SRRM2: variants seen among roughly 807,000 people sequenced by gnomAD.
SRRM2 encodes serine/arginine repetitive matrix protein 2.
In SRRM2, 30 loss-of-function variants were observed where a neutral mutation model predicts 213.8. The observed-to-expected ratio is 0.14, with a 90% confidence interval of 0.10 to 0.19. The LOEUF (loss-of-function observed/expected upper bound fraction) is 0.19. Ranked by LOEUF, SRRM2 falls within the 10% of genes least tolerant of loss-of-function variation. The probability of loss-of-function intolerance (pLI) is 1.00; values close to 1 mark genes in which losing one functional copy is unlikely to be tolerated. For synonymous variants in SRRM2, 2,025 were observed against 1,377.7 expected (o/e 1.47, Z -10.40); for missense variants, 4,904 against 3,647.0 (o/e 1.34, Z -8.88).
chr16:2,769,533 CAT>C, intron 12 of SRRM2: 1 of 645,670 alleles, frequency 1.5e-6, no homozygotes, highest in Non-Finnish European at 2.8e-6. Flanking sequence ...TCCCTCAACA[CAT>C]AGCCTGTTCC....
Position 2,770,681 on chromosome 16 carries a change from CACCTAG to C in SRRM2, c.8214_8219del (p.Ser2740_Pro2741del). 6.4e-7 allele frequency: 1 copy of C among 1,556,292 alleles called. No individual in the cohort carries two copies. The highest frequency in any genetic ancestry group is 8.7e-7 in the Non-Finnish European group (1 of 1,149,132). On this transcript the variant is annotated inframe_deletion, in exon 14 of 15. Transcript: ENST00000301740. ...CCCAGCCACAAGCGCAGGAGGGAGA[CACCTAG>C]CCCTCGGCCCATGAGACACCGCTCC...
Position 2,766,935 on chromosome 16 carries a change from T to C in SRRM2, c.6407T>C (p.Leu2136Pro). The C allele has an allele frequency of 6.2e-7, 1 of 1,614,104 alleles. No homozygotes were observed. The highest frequency in any genetic ancestry group is 8.5e-7 in the Non-Finnish European group (1 of 1,180,020). The change falls in exon 11 of 15, where the codon CTT becomes CCT. Residue 2136 changes from leucine to proline, a missense_variant. Coordinates refer to ENST00000301740, the MANE Select transcript of SRRM2 (RefSeq NM_016333.4). This position sits in a 1 kb window ranked among gnomAD's most constrained non-coding sequence, Gnocchi z 7.0. ...PLDRCRSPGM[L>P]EPLGSSRTPM... ...GATCGCTGCAGATCACCTGGAATGC[T>C]TGAACCCCTTGGCAGCTCTAGAACA...
chr16:2,757,442 A>C (rs776379600), intron 2 of SRRM2, 30 bp from the exon 3 acceptor site: 1 of 1,603,778 alleles, frequency 6.2e-7, no homozygotes, highest in African/African-American at 1.3e-5. Context: ...TGTCCTGTCG[A>C]GCTTAACCCT....
In SRRM2 at chr16:2,764,043, C is replaced by G. The variant is rs746540600; in HGVS notation, c.3515C>G (p.Pro1172Arg). The G allele has an allele frequency of 4.3e-6, 7 of 1,614,040 alleles. No individual in the cohort carries two copies. The highest frequency in any genetic ancestry group is 5.1e-6 in the Non-Finnish European group (6 of 1,180,030). ...TCAAAAGAGAAAATGGCCTTACCCC[C>G]TCAGGAGGATGCTACTGCATCACCT... The part of the protein sequence containing the change: ...AESKEKMALP[P>R]QEDATASPPR... The change falls in exon 11 of 15, where the codon CCT (proline) becomes CGT (arginine). Residue 1172 changes from proline (P) to arginine (R), a missense_variant. Transcript: ENST00000301740.
At position 2,762,749 on chromosome 16, in the gene SRRM2, A is replaced by G. The variant is rs756286690; in HGVS notation, c.2221A>G (p.Ser741Gly). ...KNKSRTSQRR[S>G]RSNSSPEMKK... ...CAAATCCAGAACATCTCAAAGAAGA[A>G]GCAGGTCCAATTCAAGCCCAGAAAT... Residue 741 changes from serine to glycine, a missense_variant, in exon 11 of 15, where the codon AGC (serine) becomes GGC (glycine). Coordinates refer to ENST00000301740, the MANE Select transcript of SRRM2 (RefSeq NM_016333.4). 6.2e-7 allele frequency: 1 copy of G among 1,614,198 alleles called. No homozygotes were observed. Among genetic ancestry groups the G allele is most frequent in the Non-Finnish European group, 8.5e-7 (1 of 1,180,036 alleles).
rs2068575773 is a variant in SRRM2, at chr16:2,767,252, C to T, written c.6724C>T (p.Leu2242=). 10 of 1,614,024 alleles carry T rather than the reference C, an allele frequency of 6.2e-6. No homozygotes were observed. The highest frequency in any genetic ancestry group is 2.2e-5 in the East Asian group (1 of 44,900). The part of the protein sequence containing the change: ...IPAASAAAMN[L]ASARTPAIPT... ...TGCAGCCTCTGCGGCAGCCATGAAC[C>T]TAGCCAGCGCCAGGACACCTGCCAT... The change falls in exon 11 of 15, where the codon CTA becomes TTA. Residue 2242 remains leucine (L), a synonymous_variant. Transcript: ENST00000301740.
intron 1 of SRRM2, among the ~76,000 whole-genome samples, 185 bp downstream of exon 1, chr16:2,753,031 G>C (rs1013707137): frequency 5.6e-5 from 6 of 106,732 alleles, no homozygotes; most frequent in Admixed American, 4.7e-4. Flanking sequence ...TCGCGCGCGG[G>C]CTTCACCCCC....
At position 2,769,027 on chromosome 16, in the gene SRRM2, G is replaced by A; in HGVS notation, c.7764G>A (p.Glu2588=). ...RVPSPTPAPK[E]AVREGRPPEP... ...CCAGCCCCACCCCAGCCCCAAAGGA[G>A]GCTGTTCGAGAGGGACGTCCTCCGG... The change falls in exon 12 of 15, where the codon GAG becomes GAA. Residue 2588 remains glutamate (E), a synonymous_variant. Coordinates refer to ENST00000301740, the MANE Select transcript of SRRM2 (RefSeq NM_016333.4). The A allele has an allele frequency of 1.2e-6, 2 of 1,614,088 alleles. No individual in the cohort carries two copies. Among genetic ancestry groups the A allele is most frequent in the Non-Finnish European group, 1.7e-6 (2 of 1,180,016 alleles).
At chr16:2,755,274 G>GA (rs2068100962) in intron 1 of SRRM2, among the ~76,000 whole-genome samples, 1 of 152,200 alleles carries the variant, frequency 6.6e-6, no homozygotes, top group Admixed American at 6.5e-5. Flanking sequence ...TAGAACCTGG[G>GA]AGGAGGCATG....
At position 2,763,212 on chromosome 16, in the gene SRRM2, C is replaced by T. The variant is rs980375315; in HGVS notation, c.2684C>T (p.Ser895Phe). The change falls in exon 11 of 15, where the codon TCT becomes TTT. Residue 895 changes from serine to phenylalanine, a missense_variant. Ser to Phe is a radical substitution (Grantham distance 155). Coordinates refer to ENST00000301740, the MANE Select transcript of SRRM2 (RefSeq NM_016333.4). ...TPSRHSCSGS[S>F]PPRVKSSTPP... ...TCTAGACATAGCTGCTCAGGGTCCT[C>T]TCCTCCTAGAGTGAAATCTAGCACA... 3 of 1,614,070 alleles carry T rather than the reference C, an allele frequency of 1.9e-6. No homozygotes were observed. Among genetic ancestry groups the T allele is most frequent in the East Asian group, 2.2e-5 (1 of 44,876 alleles).
chr16:2,759,546 C>G (rs1264558290), intron 8 of SRRM2, 23 bp from the exon 9 acceptor site: 1 of 1,612,786 alleles, frequency 6.2e-7, no homozygotes, highest in Non-Finnish European at 8.5e-7. Flanking sequence ...GTACCCTGAG[C>G]TGTGGTGGTG....
Position 2,764,675 on chromosome 16 carries a change from A to C in SRRM2, c.4147A>C (p.Ser1383Arg). The C allele has an allele frequency of 6.2e-7, 1 of 1,614,158 alleles. No homozygotes were observed. The highest frequency in any genetic ancestry group is 8.5e-7 in the Non-Finnish European group (1 of 1,180,046). The change falls in exon 11 of 15, where the codon AGT (serine) becomes CGT (arginine). Residue 1383 changes from serine (S) to arginine (R), a missense_variant. Ser to Arg is a moderately radical substitution (Grantham distance 110). Transcript: ENST00000301740. ...ATCGACAAGATCCTCTGGACACAGCAGTTCTGAGTTATCCCCAGATGCAGT... is the reference window on the plus strand; with the variant it reads ...ATCGACAAGATCCTCTGGACACAGCCGTTCTGAGTTATCCCCAGATGCAGT... ...EQSTRSSGHS[S>R]SELSPDAVEK...
Position 2,763,215 on chromosome 16 carries a change from C to G in SRRM2, c.2687C>G (p.Pro896Arg). 6.2e-7 allele frequency: 1 copy of G among 1,614,090 alleles called. No homozygotes were observed. The highest frequency in any genetic ancestry group is 8.5e-7 in the Non-Finnish European group (1 of 1,180,022). The change falls in exon 11 of 15, where the codon CCT (proline) becomes CGT (arginine). Residue 896 changes from proline to arginine, a missense_variant. Transcript: ENST00000301740. The stretch of plus-strand genomic sequence containing the variant: ...AGACATAGCTGCTCAGGGTCCTCTC[C>G]TCCTAGAGTGAAATCTAGCACACCT... ...PSRHSCSGSS[P>R]PRVKSSTPPR... is the part of the protein sequence containing the mutation.
At chr16:2,769,951 C>A in intron 12 of SRRM2, 1 of 442,018 alleles carries the variant, frequency 2.3e-6, no homozygotes, top group Admixed American at 2.6e-5. Flanking sequence ...GCCTGGTGAA[C>A]TCCTCGTTCT....
chr16:2,769,236 C>T lies in SRRM2; in HGVS notation c.7973C>T (p.Ala2658Val), dbSNP rs754449720. 4.4e-6 allele frequency: 7 copies of T among 1,585,922 alleles called. No individual in the cohort carries two copies. The highest frequency in any genetic ancestry group is 6.0e-6 in the Non-Finnish European group (7 of 1,165,576). Reference sequence around the variant, plus strand: ...TCCCCTGCTAAGCCTGGCCCTCAGGCCTTGCCCAAACCTGCAAGCCCCAAG... The same window carrying T: ...TCCCCTGCTAAGCCTGGCCCTCAGGTCTTGCCCAAACCTGCAAGCCCCAAG... ...SPSPAKPGPQ[A>V]LPKPASPKKP... Residue 2658 changes from alanine (A) to valine (V), a missense_variant, in exon 12 of 15, where the codon GCC (alanine) becomes GTC (valine). Coordinates refer to ENST00000301740, the MANE Select transcript of SRRM2 (RefSeq NM_016333.4).
intron 9 of SRRM2, 176 bp downstream of exon 9, chr16:2,759,837 CTT>C: frequency 1.7e-6 from 1 of 590,968 alleles, no homozygotes; most frequent in Non-Finnish European, 2.9e-6. Context: ...TACATTTCCC[CTT>C]CTCTTTTTTT....
chr16:2,763,990 G>A lies in SRRM2; in HGVS notation c.3462G>A (p.Leu1154=). Residue 1154 remains leucine, a synonymous_variant, in exon 11 of 15, where the codon TTG becomes TTA. Coordinates refer to ENST00000301740, the MANE Select transcript of SRRM2 (RefSeq NM_016333.4). ...CTACAGTGGACTCGAATTCTCTCTT[G>A]GGGCAGAGTAGATTGGAGACTGCTG... ...SYPTVDSNSL[L]GQSRLETAES... 3 of 1,614,164 alleles carry A rather than the reference G, an allele frequency of 1.9e-6. No individual in the cohort carries two copies. The highest frequency in any genetic ancestry group is 2.5e-6 in the Non-Finnish European group (3 of 1,180,028).
chr16:2,762,291 C>T lies in SRRM2; in HGVS notation c.1763C>T (p.Thr588Ile), dbSNP rs2068379972. The T allele has an allele frequency of 6.2e-7, 1 of 1,614,212 alleles. No homozygotes were observed. The highest frequency in any genetic ancestry group is 2.2e-5 in the East Asian group (1 of 44,890). The change falls in exon 11 of 15, where the codon ACA becomes ATA. Residue 588 changes from threonine to isoleucine, a missense_variant. Coordinates refer to ENST00000301740, the MANE Select transcript of SRRM2 (RefSeq NM_016333.4). The stretch of plus-strand genomic sequence containing the variant: ...CGCCGGGGCAGGTCCCGCTCTAGAA[C>T]ACCTGCCAGGCGGAGATCACGATCC... ...PARRGRSRSR[T>I]PARRRSRSRT...
rs752973054 is a variant in SRRM2 at position 2,763,327 on chromosome 16, C to G, written c.2799C>G (p.Ser933=). ...ISPRQRSHSG[S]SSPSPSRVTS... is the part of the protein sequence containing the mutation. ...CAAGACAAAGAAGCCATTCTGGCTC[C>G]TCTTCTCCAAGTCCTAGTAGGGTGA... The change falls in exon 11 of 15, where the codon TCC becomes TCG. Residue 933 remains serine (S), a synonymous_variant. Transcript: ENST00000301740. 26 of 1,614,102 alleles carry G rather than the reference C, an allele frequency of 1.6e-5. No individual in the cohort carries two copies. The South Asian group carries it at 2.4e-4, about 15-fold the overall frequency.
Sources: allele counts gnomAD v4.1 joint callset (sites outside exome capture counted in the v4.1 genomes callset), GRCh38; gene constraint gnomAD v4.1.1; non-coding constraint Gnocchi (gnomAD v3.1); transcripts MANE v1.5; gene names NCBI Gene and HGNC (gene_info 2026-07-23, HGNC 2026-07-21).